The following PLOD2 variants were observed in gnomAD, a reference collection of about 807,000 sequenced individuals.
The protein encoded by PLOD2 is lysine hydroxylase 2.
In PLOD2, 65 loss-of-function variants were observed where a neutral mutation model predicts 101.0. The ratio of observed to expected loss-of-function variants is 0.64; its 90% CI spans 0.53 to 0.79. The LOEUF (loss-of-function observed/expected upper bound fraction) is 0.79. PLOD2 is among the 30% of genes least tolerant of loss of function. PLOD2 has a pLI of 0.00. For missense variants in PLOD2, 909 were observed against 914.6 expected, an observed-to-expected ratio of 0.99 and a Z score of 0.08; for synonymous variants, 314 against 302.9, an observed-to-expected ratio of 1.04 and a Z score of -0.38.
intron 4 of PLOD2, among the ~76,000 whole-genome samples, chr3:146,108,875 AGAGTCCCAT>A (rs1937579919): frequency 6.6e-6 from 1 of 152,240 alleles, no homozygotes; most frequent in Non-Finnish European, 1.5e-5. Flanking sequence ...AACATGTCTC[AGAGTCCCAT>A]GGCTACATAC....
intron 1 of PLOD2, among the ~76,000 whole-genome samples, chr3:146,132,821 T>C (rs1050204846): frequency 6.6e-6 from 1 of 152,152 alleles, no homozygotes; most frequent in Non-Finnish European, 1.5e-5. Context: ...GCAAAAAAAA[T>C]CAAAATTTGT....
intron 1 of PLOD2, among the ~76,000 whole-genome samples, chr3:146,137,690 A>C (rs1208156697): frequency 6.6e-6 from 1 of 152,132 alleles, no homozygotes; most frequent in Non-Finnish European, 1.5e-5. Flanking sequence ...GTTGGGTCAC[A>C]CCCCAAGAGT....
intron 15 of PLOD2, 50 bp downstream of exon 15, chr3:146,076,729 TATA>T (rs1301263236): frequency 1.1e-6 from 1 of 894,276 alleles, no homozygotes; most frequent in Non-Finnish European, 1.8e-6. Context: ...CCAACTGATT[TATA>T]ACCACTTACA....
chr3:146,160,818 T>C (rs1297045513), intron 1 of PLOD2, 63 bp downstream of exon 1: 1 of 1,037,932 alleles, frequency 9.6e-7, no homozygotes, highest in Non-Finnish European at 1.5e-6. Context: ...GGCTGGTGGA[T>C]GAATGAACTG....
At chr3:146,104,628 T>G (rs1435587427) in intron 5 of PLOD2, among the ~76,000 whole-genome samples, 1 of 152,142 alleles carries the variant, frequency 6.6e-6, no homozygotes, top group African/African-American at 2.4e-5. Context: ...TACAGTAAAT[T>G]TATTAAATAT....
rs1287590975 is a variant in PLOD2, at chr3:146,069,922, AC to A, written c.*794del. The A allele has an allele frequency of 6.6e-6, 1 of 152,268 alleles. No individual in the cohort carries two copies. The highest frequency in any genetic ancestry group is 1.9e-4 in the East Asian group (1 of 5,174). The allele number at this position is 152,268 out of a possible 1,614,324, so 9.4% of individuals were successfully genotyped here. On this transcript the variant is annotated 3_prime_UTR_variant, in exon 20 of 20. Coordinates refer to ENST00000282903, the MANE Select transcript of PLOD2 (RefSeq NM_182943.3). The stretch of plus-strand genomic sequence containing the variant: ...AAAAGGAAACAAAGCAAAAACAACA[AC>A]AAAAAAAACCTGTTTGACTTAAGGA...
intron 1 of PLOD2, among the ~76,000 whole-genome samples, chr3:146,157,346 T>C (rs2032348409): frequency 6.6e-6 from 1 of 152,148 alleles, no homozygotes; most frequent in African/African-American, 2.4e-5. Flanking sequence ...ACAAAGTAAA[T>C]ATGATTTGTA....
At chr3:146,137,755 A>G (rs752377176) in intron 1 of PLOD2, among the ~76,000 whole-genome samples, 1 of 152,172 alleles carries the variant, frequency 6.6e-6, no homozygotes, top group Non-Finnish European at 1.5e-5. Flanking sequence ...AGTACCAGGT[A>G]TCATCATGAA....
At chr3:146,152,398 C>T (rs756119095) in intron 1 of PLOD2, among the ~76,000 whole-genome samples, 10 of 151,536 alleles carry the variant, frequency 6.6e-5, no homozygotes, top group South Asian at 6.3e-4. Flanking sequence ...CCAGTCTGGA[C>T]GACAGAGCAA....
intron 3 of PLOD2, among the ~76,000 whole-genome samples, chr3:146,115,188 T>C (rs545664678): frequency 2.6e-4 from 40 of 152,268 alleles, no homozygotes; most frequent in African/African-American, 8.7e-4. Flanking sequence ...CGTTGAAATA[T>C]TGGGGGTGGT....
intron 1 of PLOD2, among the ~76,000 whole-genome samples, chr3:146,135,952 T>A (rs951586595): frequency 6.6e-6 from 1 of 152,192 alleles, no homozygotes; most frequent in African/African-American, 2.4e-5. Flanking sequence ...AGTAATTTCT[T>A]ACATGTAAGA....
At chr3:146,142,519 A>G (rs2108126843) in intron 1 of PLOD2, among the ~76,000 whole-genome samples, 1 of 152,192 alleles carries the variant, frequency 6.6e-6, no homozygotes, top group South Asian at 2.1e-4. Context: ...TTTTCCAGCT[A>G]CATGGTAGAT....
At chr3:146,123,280 T>C in intron 2 of PLOD2, 1 of 1,170,560 alleles carries the variant, frequency 8.5e-7, no homozygotes, top group South Asian at 1.7e-5. Context: ...TATCTCCTTG[T>C]TCTCCTCTTA....
At chr3:146,143,330 C>T (rs1432406758) in intron 1 of PLOD2, among the ~76,000 whole-genome samples, 1 of 151,792 alleles carries the variant, frequency 6.6e-6, no homozygotes, top group Non-Finnish European at 1.5e-5. Flanking sequence ...AGAGTATATA[C>T]TCAATTGGTG....
In PLOD2 at chr3:146,081,928, A is replaced by G. The variant is rs541560285; in HGVS notation, c.1233-65T>C. The G allele has an allele frequency of 1.6e-4, 228 of 1,442,544 alleles. No homozygotes were observed. The African/African-American group carries it at 2.9e-3, about 18-fold the overall frequency. The allele number at this position is 1,442,544 out of a possible 1,614,324, so 89.4% of individuals were successfully genotyped here. On this transcript the variant is annotated intron_variant, in intron 11 of 19. Transcript: ENST00000282903. ...TATAATTATTTATTTTTAAATTACCACAGAATTATGTATTTTGGGCTTAGT... is the reference window on the plus strand; with the variant it reads ...TATAATTATTTATTTTTAAATTACCGCAGAATTATGTATTTTGGGCTTAGT...
chr3:146,071,485 A>C (rs1936132922), intron 17 of PLOD2, 62 bp from the exon 18 acceptor site: 1 of 1,502,108 alleles, frequency 6.7e-7, no homozygotes, highest in South Asian at 1.1e-5. Context: ...TTTATATTAT[A>C]GTATTTTTTT....
chr3:146,113,754 T>C (rs962432348), intron 3 of PLOD2, among the ~76,000 whole-genome samples: 1 of 152,166 alleles, frequency 6.6e-6, no homozygotes, highest in Non-Finnish European at 1.5e-5. Context: ...AAATCATGTG[T>C]GTTTAAACAA....
At chr3:146,095,863 T>TCTCCCCC (rs1937131195) in intron 7 of PLOD2, among the ~76,000 whole-genome samples, 1 of 78,306 alleles carries the variant, frequency 1.3e-5, no homozygotes, top group African/African-American at 5.0e-5. Flanking sequence ...CCCTCTCCCC[T>TCTCCCCC]CTCCCCTCTC....
rs1438986796 is a variant in PLOD2, at chr3:146,069,813, C to T, written c.*904G>A. ...GTTTTCCTGATATAAAATTCAAGTA[C>T]TTAAAAAGTTTTTTAAAAAATAATT... On this transcript the variant is annotated 3_prime_UTR_variant, in exon 20 of 20. Coordinates refer to ENST00000282903, the MANE Select transcript of PLOD2 (RefSeq NM_182943.3). The T allele has an allele frequency of 6.6e-6, 1 of 152,018 alleles. No individual in the cohort carries two copies. 9.4% of individuals were successfully genotyped at this position (152,018 alleles called of 1,614,324 possible). A position where few individuals can be genotyped will look rare whatever the true frequency, so the allele number is the denominator to read the frequency against.
Sources: gnomAD v4.1 joint callset for allele counts (sites outside exome capture counted in the v4.1 genomes callset) on GRCh38, gnomAD v4.1.1 for gene constraint, MANE v1.5 for transcripts, NCBI Gene and HGNC (gene_info 2026-07-23, HGNC 2026-07-21) for gene names.